KHDRBS2: variants seen among roughly 807,000 people sequenced by gnomAD.
The protein encoded by KHDRBS2 is KH RNA binding domain containing, signal transduction associated 2, also known as KH domain-containing, RNA-binding, signal transduction-associated protein 2.
Under a neutral mutation model 44.3 loss-of-function variants are expected in KHDRBS2, and 26 were observed. The ratio of observed to expected loss-of-function variants is 0.59; its 90% CI spans 0.43 to 0.81. The LOEUF (loss-of-function observed/expected upper bound fraction) is 0.81, where lower values mean the gene tolerates loss of function less well. Ranked by LOEUF, KHDRBS2 falls within the 40% of genes least tolerant of loss-of-function variation. KHDRBS2 has a pLI of 0.00. For synonymous variants in KHDRBS2, 194 were observed against 151.1 expected (o/e 1.28, Z -2.08); for missense variants, 476 against 433.1 (o/e 1.10, Z -0.88).
At chr6:62,143,697 T>TC (rs1813335522) in intron 2 of KHDRBS2, among the ~76,000 whole-genome samples, 1 of 151,196 alleles carries the variant, frequency 6.6e-6, no homozygotes, top group Non-Finnish European at 1.5e-5. Flanking sequence ...GATTATTATT[T>TC]TTTTTCTCTA....
chr6:61,752,671 C>CAAAAAAAA (rs56410130), intron 6 of KHDRBS2, among the ~76,000 whole-genome samples: 4 of 111,308 alleles, frequency 3.6e-5, no homozygotes, highest in Non-Finnish European at 3.6e-5. Flanking sequence ...TTGTGGTATA[C>CAAAAAAAA]AAAAAAAAAA....
At chr6:62,147,568 G>T (rs947894932) in intron 2 of KHDRBS2, among the ~76,000 whole-genome samples, 1 of 151,730 alleles carries the variant, frequency 6.6e-6, no homozygotes, top group Non-Finnish European at 1.5e-5. Context: ...AGGTCCTTTA[G>T]AGTAATTATG....
chr6:62,016,007 G>T (rs1584170533), intron 3 of KHDRBS2, among the ~76,000 whole-genome samples: 1 of 152,146 alleles, frequency 6.6e-6, no homozygotes, highest in Non-Finnish European at 1.5e-5. Context: ...GTTCATCCAG[G>T]TTTAGACTTT....
chr6:62,030,510 A>G (rs1784155233), intron 3 of KHDRBS2, among the ~76,000 whole-genome samples: 1 of 152,036 alleles, frequency 6.6e-6, no homozygotes, highest in African/African-American at 2.4e-5. Context: ...GAATATTGGT[A>G]CCTTCATTTA....
In KHDRBS2 at chr6:61,793,058, A is replaced by T. The variant is rs150347103; in HGVS notation, c.811-60294T>A. 4.7e-3 allele frequency among the ~76,000 whole-genome samples: 719 copies of T among 152,108 alleles called. 2 individuals are homozygous for T. The highest frequency in any genetic ancestry group is 0.01 in the Middle Eastern group (3 of 294). ...TTAATATCTTTAATTTTACTTAGAG[A>T]TAAACACAAAAGAAGAGAATGCTCA... On this transcript the variant is annotated intron_variant, in intron 6 of 8. Coordinates refer to ENST00000281156, the MANE Select transcript of KHDRBS2 (RefSeq NM_152688.4).
the KHDRBS2 span, among the ~76,000 whole-genome samples, chr6:61,544,987 G>C: frequency 6.6e-6 from 1 of 151,960 alleles, no homozygotes. Context: ...GCTAAATGAC[G>C]AGTTAATGGG....
intron 1 of KHDRBS2, among the ~76,000 whole-genome samples, chr6:62,241,061 T>G (rs1346191622): frequency 6.6e-6 from 1 of 152,066 alleles, no homozygotes; most frequent in African/African-American, 2.4e-5. Flanking sequence ...GTTTCAAAAT[T>G]TTTTAAGTAT....
chr6:61,702,933 C>T (rs960663965), intron 7 of KHDRBS2, among the ~76,000 whole-genome samples: 1 of 151,682 alleles, frequency 6.6e-6, no homozygotes, highest in Admixed American at 6.6e-5. Context: ...CATTATATAT[C>T]TTGATTTTAA....
the KHDRBS2 span, among the ~76,000 whole-genome samples, chr6:61,553,295 T>C: frequency 3.3e-5 from 5 of 152,096 alleles, no homozygotes; most frequent in Admixed American, 6.6e-5. Flanking sequence ...TGTATAGAGG[T>C]ATTTGTAGTA....
At chr6:61,545,897 C>T in the KHDRBS2 span, among the ~76,000 whole-genome samples, 1 of 152,100 alleles carries the variant, frequency 6.6e-6, no homozygotes, top group Non-Finnish European at 1.5e-5. Flanking sequence ...AGGCAGCCGT[C>T]TTCAACCCAA....
At chr6:62,160,085 G>A (rs1817307312) in intron 2 of KHDRBS2, among the ~76,000 whole-genome samples, 1 of 152,096 alleles carries the variant, frequency 6.6e-6, no homozygotes, top group Non-Finnish European at 1.5e-5. Context: ...GGATACACGA[G>A]TAATCAAGAA....
rs1195298124 is a variant in KHDRBS2, at chr6:61,966,118, GAC to G, written c.483+11946_483+11947del. On this transcript the variant is annotated intron_variant, in intron 4 of 8. Coordinates refer to ENST00000281156, the MANE Select transcript of KHDRBS2 (RefSeq NM_152688.4). ...AATACATTCTAACTGTACTATAATT[GAC>G]ATAGAATTTGTTTTACGCTTAAAAT... is the stretch of plus-strand genomic sequence containing the variant. Among the ~76,000 whole-genome samples the G allele has an allele frequency of 3.4e-5, 5 of 147,216 alleles. No homozygotes were observed. The Admixed American group carries it at 3.4e-4, about 10-fold the overall frequency.
chr6:62,174,651 AG>A (rs1820734736), intron 2 of KHDRBS2, among the ~76,000 whole-genome samples: 1 of 151,776 alleles, frequency 6.6e-6, no homozygotes, highest in Non-Finnish European at 1.5e-5. Context: ...AAGTCTTGAG[AG>A]GGCCATTTCC....
At chr6:62,089,482 A>T (rs1039315898) in intron 2 of KHDRBS2, among the ~76,000 whole-genome samples, 3 of 152,096 alleles carry the variant, frequency 2.0e-5, no homozygotes, top group Non-Finnish European at 2.9e-5. Context: ...TAGGAGAAGG[A>T]GTTCCCTGAC....
At chr6:62,048,243 T>A (rs1336912095) in intron 2 of KHDRBS2, among the ~76,000 whole-genome samples, 1 of 151,782 alleles carries the variant, frequency 6.6e-6, no homozygotes, top group African/African-American at 2.4e-5. Context: ...GTGAAAAGTA[T>A]GTTGAAAATA....
chr6:62,078,137 G>T (rs1467712815), intron 2 of KHDRBS2, among the ~76,000 whole-genome samples: 1 of 151,866 alleles, frequency 6.6e-6, no homozygotes, highest in Non-Finnish European at 1.5e-5. Flanking sequence ...ACAGTTTTGC[G>T]ATTCACTCTA....
chr6:62,139,863 C>G (rs945472257), intron 2 of KHDRBS2, among the ~76,000 whole-genome samples: 3 of 152,138 alleles, frequency 2.0e-5, no homozygotes, highest in African/African-American at 7.2e-5. Context: ...ATGAAGTATG[C>G]TTTGCTACTG....
intron 6 of KHDRBS2, among the ~76,000 whole-genome samples, chr6:61,837,418 G>A (rs1011902640): frequency 2.0e-5 from 3 of 151,946 alleles, no homozygotes; most frequent in Non-Finnish European, 2.9e-5. Context: ...TTTACTGGAG[G>A]AGAGTGTCAC....
downstream of KHDRBS2, among the ~76,000 whole-genome samples, chr6:61,677,819 A>T (rs1264280449): frequency 3.3e-5 from 5 of 151,758 alleles, no homozygotes. Flanking sequence ...TTCCAGCTGC[A>T]CAAACTGAGA....
Sources: gnomAD v4.1 joint callset for allele counts (sites outside exome capture counted in the v4.1 genomes callset) on GRCh38, gnomAD v4.1.1 for gene constraint, MANE v1.5 for transcripts, NCBI Gene and HGNC (gene_info 2026-07-23, HGNC 2026-07-21) for gene names.